The following APP variants were observed in gnomAD, a reference collection of about 807,000 sequenced individuals.
APP encodes the protein amyloid-beta precursor protein.
Under a neutral mutation model 101.4 loss-of-function variants are expected in APP, and 31 were observed. The observed-to-expected ratio is 0.31, with a 90% CI of 0.23 to 0.41. The LOEUF (loss-of-function observed/expected upper bound fraction) is 0.41. Among genes scored for constraint, APP ranks in the 10% least tolerant of loss-of-function variants. The probability of loss-of-function intolerance (pLI) is 1.00; values close to 1 mark genes in which losing one functional copy is unlikely to be tolerated. For missense variants in APP, 839 were observed against 1,003.7 expected (o/e 0.84, Z 2.22); for synonymous variants, 366 against 364.4 (o/e 1.00, Z -0.05).
rs1288967628 is a variant in APP at position 26,016,958 on chromosome 21, TGCC to T, written c.865+4879_865+4881del. On this transcript the variant is annotated intron_variant, in intron 6 of 17. Coordinates refer to ENST00000346798, the MANE Select transcript of APP (RefSeq NM_000484.4). Reference sequence around the variant, plus strand: ...GGGGCGGGGGGCGGGGGGCGGGGGGTGCCGCCAAGGTGGGCAGATCATGAGGTC... The same window carrying T: ...GGGGCGGGGGGCGGGGGGCGGGGGGTGCCAAGGTGGGCAGATCATGAGGTC... 2.8e-5 allele frequency among the ~76,000 whole-genome samples: 3 copies of T among 107,622 alleles called. No homozygotes were observed. In the East Asian group the frequency reaches 8.2e-4, roughly 30 times the overall value. The allele number at this position is 107,622 out of a possible 152,430, so 70.6% of individuals were successfully genotyped here.
intron 3 of APP, among the ~76,000 whole-genome samples, chr21:26,063,419 T>C (rs1174698148): frequency 1.3e-5 from 2 of 152,028 alleles, no homozygotes; most frequent in Non-Finnish European, 2.9e-5. Context: ...AATACTATTC[T>C]CCAATAACAT....
intron 14 of APP, 34 bp from the exon 15 acceptor site, chr21:25,905,111 ACAAGACAAAT>A: frequency 6.3e-7 from 1 of 1,597,744 alleles, no homozygotes; most frequent in East Asian, 2.2e-5. Flanking sequence ...CAGAAAGCAA[ACAAGACAAAT>A]CAAGATGGTA....
rs2036925291 is a variant in APP, at chr21:25,880,600, T to C, written c.*1070A>G. On this transcript the variant is annotated 3_prime_UTR_variant, in exon 18 of 18. Transcript: ENST00000346798. The stretch of plus-strand genomic sequence containing the variant: ...ACATGAAAACACCATTTTATACAAA[T>C]TGAAGACACATCTTAAAAGAAGGGT... 1 of 152,224 alleles carries C rather than the reference T, an allele frequency of 6.6e-6. No individual in the cohort carries two copies. The highest frequency in any genetic ancestry group is 2.1e-4 in the South Asian group (1 of 4,832). 9.4% of individuals were successfully genotyped at this position (152,224 alleles called of 1,614,324 possible). A position where few individuals can be genotyped will look rare whatever the true frequency, so the allele number is the denominator to read the frequency against.
chr21:26,029,414 C>T (rs114761836), intron 5 of APP, among the ~76,000 whole-genome samples: 1 of 152,038 alleles, frequency 6.6e-6, no homozygotes, highest in Non-Finnish European at 1.5e-5. Context: ...AAATTACTGC[C>T]CTGATAACAA....
chr21:26,046,025 CT>C (rs1225809463), intron 5 of APP, among the ~76,000 whole-genome samples: 1 of 152,042 alleles, frequency 6.6e-6, no homozygotes, highest in Non-Finnish European at 1.5e-5. Context: ...GGGAACCCCT[CT>C]TTTTAAAACC....
intron 16 of APP, among the ~76,000 whole-genome samples, chr21:25,892,470 CT>C (rs5843179): frequency 0.4 from 61,479 of 152,002 alleles, 12,406 homozygotes; most frequent in Middle Eastern, 0.51. Context: ...TTGTTACCTA[CT>C]TTTAGCTATA....
At chr21:25,912,091 A>G (rs955041538) in intron 13 of APP, 129 bp from the exon 14 acceptor site, 11 of 743,950 alleles carry the variant, frequency 1.5e-5, no homozygotes, top group Non-Finnish European at 2.6e-5. Context: ...GTTTAGAGCC[A>G]TGACATAGGT....
At chr21:26,084,616 G>T (rs974591148) in intron 3 of APP, among the ~76,000 whole-genome samples, 4 of 152,142 alleles carry the variant, frequency 2.6e-5, no homozygotes, top group Non-Finnish European at 5.9e-5. Flanking sequence ...TCACCCAGAA[G>T]GAATCTGTGA....
At chr21:26,062,055 C>G (rs565137678) in intron 3 of APP, among the ~76,000 whole-genome samples, 1 of 151,984 alleles carries the variant, frequency 6.6e-6, no homozygotes, top group South Asian at 2.1e-4. Flanking sequence ...ACTAAAAATA[C>G]AAAAATTAGC....
At chr21:25,884,024 A>G (rs936878149) in intron 17 of APP, among the ~76,000 whole-genome samples, 3 of 149,702 alleles carry the variant, frequency 2.0e-5, no homozygotes, top group African/African-American at 2.4e-5. Flanking sequence ...GATTACAGGC[A>G]CCCGCCACTA....
At chr21:26,146,805 C>T (rs534493330) in intron 1 of APP, among the ~76,000 whole-genome samples, 1 of 152,282 alleles carries the variant, frequency 6.6e-6, no homozygotes, top group Admixed American at 6.5e-5. Context: ...TGTAAGAACA[C>T]TTCATGGAAT....
chr21:25,921,544 A>T (rs984803950), intron 13 of APP, among the ~76,000 whole-genome samples: 5 of 148,084 alleles, frequency 3.4e-5, no homozygotes, highest in African/African-American at 1.2e-4. Context: ...TAAAGGGGAT[A>T]TCACCACCGA....
intron 13 of APP, among the ~76,000 whole-genome samples, chr21:25,924,357 T>A: frequency 2.5e-5 from 1 of 40,456 alleles, no homozygotes; most frequent in Non-Finnish European, 4.6e-5. Context: ...ATGTCACATG[T>A]ACCCTAAAAC....
At chr21:26,109,774 G>A (rs1012511499) in intron 2 of APP, among the ~76,000 whole-genome samples, 1 of 152,216 alleles carries the variant, frequency 6.6e-6, no homozygotes, top group Non-Finnish European at 1.5e-5. Context: ...TTATTCATAC[G>A]TGAAACTAAG....
chr21:26,108,265 A>G (rs893550698), intron 2 of APP, among the ~76,000 whole-genome samples: 1 of 152,252 alleles, frequency 6.6e-6, no homozygotes, highest in African/African-American at 2.4e-5. Flanking sequence ...AACATTTATG[A>G]TGTATTTAAC....
chr21:26,086,762 C>T (rs995465070), intron 3 of APP, among the ~76,000 whole-genome samples: 1 of 152,210 alleles, frequency 6.6e-6, no homozygotes, highest in Non-Finnish European at 1.5e-5. Context: ...CCTCTGTCAA[C>T]ACAACGATAG....
intron 2 of APP, among the ~76,000 whole-genome samples, chr21:26,100,815 G>A (rs1403160240): frequency 2.0e-5 from 3 of 152,108 alleles, no homozygotes; most frequent in Non-Finnish European, 4.4e-5. Flanking sequence ...TAAATGGTGG[G>A]AAAGAAAACA....
intron 1 of APP, among the ~76,000 whole-genome samples, chr21:26,139,133 G>A (rs966301543): frequency 6.6e-6 from 1 of 152,024 alleles, no homozygotes; most frequent in Non-Finnish European, 1.5e-5. Context: ...GCAACATTAC[G>A]TAAGGGATGA....
intron 1 of APP, among the ~76,000 whole-genome samples, chr21:26,123,571 T>C (rs1344577481): frequency 1.3e-5 from 2 of 152,184 alleles, no homozygotes; most frequent in African/African-American, 4.8e-5. Flanking sequence ...TCTCCCTTTG[T>C]AGAGCCCTCA....
Sources: gnomAD v4.1 joint callset for allele counts (sites outside exome capture counted in the v4.1 genomes callset) on GRCh38, gnomAD v4.1.1 for gene constraint, MANE v1.5 for transcripts, NCBI Gene and HGNC (gene_info 2026-07-23, HGNC 2026-07-21) for gene names.